GLS: variants seen among roughly 807,000 people sequenced by gnomAD.
GLS encodes the protein glutaminase kidney isoform, mitochondrial.
A neutral mutation model predicts 86.7 loss-of-function variants in GLS; 36 were observed. The ratio of observed to expected loss-of-function variants is 0.42; its 90% CI spans 0.32 to 0.55. GLS has a LOEUF of 0.55. Ranked by LOEUF, GLS falls within the 20% of genes least tolerant of loss-of-function variation. The probability of loss-of-function intolerance (pLI) is 0.17; values close to 1 mark genes in which losing one functional copy is unlikely to be tolerated. For missense variants in GLS, 528 were observed against 833.4 expected (o/e 0.63, Z 4.51); for synonymous variants, 317 against 305.9 (o/e 1.04, Z -0.38).
intron 6 of GLS, among the ~76,000 whole-genome samples, chr2:190,908,874 G>A (rs966540332): frequency 2.0e-5 from 3 of 152,202 alleles, no homozygotes; most frequent in Admixed American, 6.5e-5. Flanking sequence ...TGTAGTATAT[G>A]TAGCATTTGC....
chr2:190,925,235 A>G (rs1470672792), intron 11 of GLS, among the ~76,000 whole-genome samples: 1 of 151,994 alleles, frequency 6.6e-6, no homozygotes, highest in Admixed American at 6.6e-5. Flanking sequence ...TTTATTTTTT[A>G]AATCAGAGGG....
intron 17 of GLS, among the ~76,000 whole-genome samples, chr2:190,958,529 C>A (rs903816499): frequency 6.6e-6 from 1 of 152,114 alleles, no homozygotes; most frequent in Admixed American, 6.5e-5. Flanking sequence ...AATTTTAGAC[C>A]TTTCCTGCTT....
Position 190,951,488 on chromosome 2 carries a change from A to G in GLS, c.1651-2077A>G, listed in dbSNP as rs552283168. ...AGGAAAAGTTAAAGATGCTAGAAAC[A>G]AAGGGGATCAGTGAGGGAACAAGAA... On this transcript the variant is annotated intron_variant, in intron 14 of 17. Coordinates refer to ENST00000320717, the MANE Select transcript of GLS (RefSeq NM_014905.5). The surrounding 1 kb of genome is among the most constrained non-coding windows in gnomAD (Gnocchi z 4.2). Among the ~76,000 whole-genome samples the G allele has an allele frequency of 6.6e-6, 1 of 152,284 alleles. No individual in the cohort carries two copies. Among genetic ancestry groups the G allele is most frequent in the South Asian group, 2.1e-4 (1 of 4,822 alleles).
Position 190,905,262 on chromosome 2 carries a change from G to T in GLS, c.979+95G>T. On this transcript the variant is annotated intron_variant, in intron 6 of 17. Coordinates refer to ENST00000320717, the MANE Select transcript of GLS (RefSeq NM_014905.5). The surrounding 1 kb of genome is among the most constrained non-coding windows in gnomAD (Gnocchi z 4.6). ...AAACATTTTTTGATTAAAATTAAAA[G>T]TATTTGTCATGTGATTTCTATATAA... 1 of 735,906 alleles carries T rather than the reference G, an allele frequency of 1.4e-6. No individual in the cohort carries two copies. Among genetic ancestry groups the T allele is most frequent in the East Asian group, 2.7e-5 (1 of 36,902 alleles). The allele number at this position is 735,906 out of a possible 1,614,324, so 45.6% of individuals were successfully genotyped here.
In GLS at chr2:190,964,088, T is replaced by C. The variant is rs1422806038; in HGVS notation, c.*1102T>C. The C allele has an allele frequency of 6.6e-6, 1 of 150,546 alleles. No homozygotes were observed. Among genetic ancestry groups the C allele is most frequent in the Non-Finnish European group, 1.5e-5 (1 of 67,994 alleles). The allele number at this position is 150,546 out of a possible 1,614,324, so 9.3% of individuals were successfully genotyped here. A position where few individuals can be genotyped will look rare whatever the true frequency, so the allele number is the denominator to read the frequency against. On this transcript the variant is annotated 3_prime_UTR_variant, in exon 18 of 18. Coordinates refer to ENST00000320717, the MANE Select transcript of GLS (RefSeq NM_014905.5). This position sits in a 1 kb window ranked among gnomAD's most constrained non-coding sequence, Gnocchi z 5.2. ...CTGGATCATTCCAGATTTCTTGTGA[T>C]TTTTCTATTGTGTAATTCTTGGTGG...
At position 190,897,509 on chromosome 2, in the gene GLS, A is replaced by G. The variant is rs1447993227; in HGVS notation, c.605+1784A>G. The stretch of plus-strand genomic sequence containing the variant: ...AATACAGGCAGTTTCCAACTTGACA[A>G]ATGTTTTATGGTCTATATGAGCAAC... On this transcript the variant is annotated intron_variant, in intron 3 of 17. Transcript: ENST00000320717. The surrounding 1 kb of genome is among the most constrained non-coding windows in gnomAD (Gnocchi z 4.3). Among the ~76,000 whole-genome samples, 1 of 152,174 alleles carries G rather than the reference A, an allele frequency of 6.6e-6. No individual in the cohort carries two copies. The highest frequency in any genetic ancestry group is 2.4e-5 in the African/African-American group (1 of 41,444).
rs1348310951 is a variant in GLS, at chr2:190,951,880, A to C, written c.1651-1685A>C. Among the ~76,000 whole-genome samples the C allele has an allele frequency of 1.3e-5, 2 of 152,196 alleles. No individual in the cohort carries two copies. Among genetic ancestry groups the C allele is most frequent in the Non-Finnish European group, 2.9e-5 (2 of 68,024 alleles). On this transcript the variant is annotated intron_variant, in intron 14 of 17. Transcript: ENST00000320717. The surrounding 1 kb of genome is among the most constrained non-coding windows in gnomAD (Gnocchi z 4.2). ...TGAAACAGTGGTTTATAACCCAGAA[A>C]AGTGCATATCAAAGTCACCTGGAGA... is the stretch of plus-strand genomic sequence containing the variant.
intron 14 of GLS, among the ~76,000 whole-genome samples, chr2:190,946,503 T>G (rs573134656): frequency 6.6e-5 from 10 of 152,130 alleles, no homozygotes; most frequent in Admixed American, 2.0e-4. Flanking sequence ...TTCAGTTACC[T>G]GCTTTTTTTT....
chr2:190,944,677 CCATT>C (rs1320422387), intron 14 of GLS, among the ~76,000 whole-genome samples: 8 of 152,040 alleles, frequency 5.3e-5, no homozygotes, highest in Non-Finnish European at 1.2e-4. Flanking sequence ...TCTTTTTAGA[CCATT>C]CATTGGTGTT....
intron 14 of GLS, among the ~76,000 whole-genome samples, chr2:190,937,233 CTTTG>C (rs954526580): frequency 6.6e-5 from 10 of 151,356 alleles, no homozygotes; most frequent in East Asian, 1.9e-4. Context: ...AGTTAAAAAC[CTTTG>C]TTTGTTAACA....
intron 12 of GLS, among the ~76,000 whole-genome samples, chr2:190,928,887 G>GGT (rs1212153647): frequency 5.9e-4 from 55 of 93,198 alleles, no homozygotes; most frequent in African/African-American, 2.2e-3. Flanking sequence ...ATCCAATTCA[G>GGT]GTGTGTTTTT....
intron 1 of GLS, among the ~76,000 whole-genome samples, chr2:190,883,644 C>G (rs1392687957): frequency 2.0e-5 from 3 of 152,168 alleles, no homozygotes; most frequent in African/African-American, 7.2e-5. Context: ...CAGGCTTGCA[C>G]ATGAAGGTTT....
rs186242345 is a variant in GLS, at chr2:190,958,391, T to C, written c.1853+3573T>C. Among the ~76,000 whole-genome samples the C allele has an allele frequency of 1.0e-3, 157 of 152,292 alleles. 5 individuals are homozygous for C. In the East Asian group the frequency reaches 0.028, roughly 27 times the overall value. ...AAAAACCAGCTCCTGGATTCATTGATTTTTTGAAAGGTTTTTCATGTCTCT... is the reference window on the plus strand; with the variant it reads ...AAAAACCAGCTCCTGGATTCATTGACTTTTTGAAAGGTTTTTCATGTCTCT... On this transcript the variant is annotated intron_variant, in intron 17 of 17. Transcript: ENST00000320717.
At position 190,900,632 on chromosome 2, in the gene GLS, T is replaced by C. The variant is rs1186429067; in HGVS notation, c.674T>C (p.Met225Thr). The C allele has an allele frequency of 2.5e-6, 4 of 1,605,438 alleles. No homozygotes were observed. Among genetic ancestry groups the C allele is most frequent in the Non-Finnish European group, 8.5e-7 (1 of 1,172,532 alleles). The change falls in exon 4 of 18, where the codon ATG becomes ACG. Residue 225 changes from methionine (M) to threonine (T), a missense_variant. Met to Thr is a moderately conservative substitution (Grantham distance 81, BLOSUM62 -1). This residue lies in a region of GLS where 111 missense variants were observed against 179.5 expected (regional missense o/e 0.62). Coordinates refer to ENST00000320717, the MANE Select transcript of GLS (RefSeq NM_014905.5). ...FRRKFVIPDF[M>T]SFTSHIDELY... ...AGAAAGTTTGTGATTCCTGACTTTA[T>C]GTCTTTTACCTCACACATTGATGAG...
In GLS at chr2:190,881,210, A is replaced by C; in HGVS notation, c.126A>C (p.Gly42=). 8.0e-7 allele frequency: 1 copy of C among 1,252,278 alleles called. No homozygotes were observed. The highest frequency in any genetic ancestry group is 1.0e-6 in the Non-Finnish European group (1 of 1,002,066). The allele number at this position is 1,252,278 out of a possible 1,614,324, so 77.6% of individuals were successfully genotyped here. A position where few individuals can be genotyped will look rare whatever the true frequency, so the allele number is the denominator to read the frequency against. Residue 42 remains glycine, a synonymous_variant, in exon 1 of 18, where the codon GGA becomes GGC. Transcript: ENST00000320717. ...TGTGCCGGCGTCCCCGAGGCGGGGG[A>C]CGGCCGGCCGCGGGCCCGGCTGCCG... ...VTLCRRPRGG[G]RPAAGPAAAA... is the part of the protein sequence containing the mutation.
intron 4 of GLS, 61 bp from the exon 5 acceptor site, chr2:190,901,886 G>T: frequency 9.5e-7 from 1 of 1,052,810 alleles, no homozygotes; most frequent in Non-Finnish European, 1.5e-6. Context: ...TTTGTTGGTG[G>T]AAGAAAATAC....
At chr2:190,932,900 A>G in intron 14 of GLS, 1 of 1,429,568 alleles carries the variant, frequency 7.0e-7, no homozygotes. Flanking sequence ...TCTTCATTTA[A>G]TCTTTCAAAC....
chr2:190,963,345 C>T lies in GLS; in HGVS notation c.*359C>T, dbSNP rs1691046621. ...CATTTATAAAGTAAGCTCTGTTGTA[C>T]AGTCTGTCCAAATGGGTCAAGGTTG... On this transcript the variant is annotated 3_prime_UTR_variant, in exon 18 of 18. Transcript: ENST00000320717. 5.8e-6 allele frequency: 1 copy of T among 172,782 alleles called. No individual in the cohort carries two copies. The highest frequency in any genetic ancestry group is 1.4e-4 in the South Asian group (1 of 7,382). 10.7% of individuals were successfully genotyped at this position (172,782 alleles called of 1,614,324 possible).
In GLS at chr2:190,953,950, A is replaced by ATGTGTGTGTGTGTG. The variant is rs57991546; in HGVS notation, c.1712+357_1712+370dup. On this transcript the variant is annotated intron_variant, in intron 15 of 17. Coordinates refer to ENST00000320717, the MANE Select transcript of GLS (RefSeq NM_014905.5). This position sits in a 1 kb window ranked among gnomAD's most constrained non-coding sequence, Gnocchi z 4.0. Reference sequence around the variant, plus strand: ...CTACCCTCCATTCCCAATCTTTGATATGTGTGTGTGTGTGTGTGTGTGTGT... The same window carrying ATGTGTGTGTGTGTG: ...CTACCCTCCATTCCCAATCTTTGATATGTGTGTGTGTGTGTGTGTGTGTGTGTGTGTGTGTGTGT... Among the ~76,000 whole-genome samples the ATGTGTGTGTGTGTG allele has an allele frequency of 8.0e-5, 11 of 136,768 alleles. No individual in the cohort carries two copies. Among genetic ancestry groups the ATGTGTGTGTGTGTG allele is most frequent in the East Asian group, 4.5e-4 (2 of 4,486 alleles). The allele number at this position is 136,768 out of a possible 152,430, so 89.7% of individuals were successfully genotyped here.
Sources: gnomAD v4.1 joint callset for allele counts (sites outside exome capture counted in the v4.1 genomes callset) on GRCh38, gnomAD v4.1.1 for gene constraint, gnomAD v4.1.1 regional missense constraint, Gnocchi (gnomAD v3.1) non-coding constraint, MANE v1.5 for transcripts, NCBI Gene and HGNC (gene_info 2026-07-23, HGNC 2026-07-21) for gene names.